Variants in RDH13 observed in about 807,000 individuals in gnomAD.
RDH13 encodes retinol dehydrogenase 13.
RDH13 carries 35 observed loss-of-function variants against 28.3 expected under a neutral mutation model. That is an observed-to-expected ratio of 1.24 (90% CI 0.95 to 1.64). RDH13 has a LOEUF of 1.64. Ranked by LOEUF, RDH13 falls within the 40% of genes most tolerant of loss-of-function variation. RDH13 has a pLI of 0.00. For missense variants in RDH13, 514 were observed against 446.3 expected, an observed-to-expected ratio of 1.15 and a Z score of -1.37; for synonymous variants, 229 against 198.5, an observed-to-expected ratio of 1.15 and a Z score of -1.29.
upstream of RDH13, among the ~76,000 whole-genome samples, chr19:55,066,632 CCT>C (rs151183680): frequency 7.3e-3 from 1,074 of 147,222 alleles, 13 homozygotes; most frequent in African/African-American, 0.023. Context: ...CTCTTTCTCT[CCT>C]CTCTCTCTCC....
chr19:55,044,882 C>A lies in RDH13; in HGVS notation c.*192G>T. ...CTGGCAGCAGAGCAGACGGAACCAGCCAGAGCCCAGGGCAGTGCTCACCTG... is the reference window on the plus strand; with the variant it reads ...CTGGCAGCAGAGCAGACGGAACCAGACAGAGCCCAGGGCAGTGCTCACCTG... On this transcript the variant is annotated 3_prime_UTR_variant, in exon 7 of 7. Transcript: ENST00000415061. 1.9e-6 allele frequency: 1 copy of A among 535,262 alleles called. No homozygotes were observed. Among genetic ancestry groups the A allele is most frequent in the East Asian group, 3.1e-5 (1 of 32,108 alleles). 33.2% of individuals were successfully genotyped at this position (535,262 alleles called of 1,614,324 possible). A position where few individuals can be genotyped will look rare whatever the true frequency, so the allele number is the denominator to read the frequency against.
chr19:55,056,197 C>A (rs1443248992), intron 3 of RDH13, among the ~76,000 whole-genome samples: 22 of 152,032 alleles, frequency 1.4e-4, no homozygotes, highest in Admixed American at 1.4e-3. Flanking sequence ...GGCGCAGTGG[C>A]CCACGCCTGT....
upstream of RDH13, chr19:55,063,341 CT>C (rs1220463475): frequency 5.6e-6 from 2 of 356,410 alleles, no homozygotes; most frequent in African/African-American, 4.2e-5. Context: ...TGACGTCACA[CT>C]TGCCGCAGCG....
rs1263057191 is a variant in RDH13 at position 55,056,816 on chromosome 19, C to T, written c.185-8G>A. On this transcript the variant is annotated splice_polypyrimidine_tract_variant and splice_region_variant and intron_variant, in intron 2 of 6. Coordinates refer to ENST00000415061, the MANE Select transcript of RDH13 (RefSeq NM_001145971.2). ...CCAGGATGATGTTGCCTCCTGAAAACCCAGGATGGAAAAAGATTTAAATTA... is the reference window on the plus strand; with the variant it reads ...CCAGGATGATGTTGCCTCCTGAAAATCCAGGATGGAAAAAGATTTAAATTA... 3 of 1,611,676 alleles carry T rather than the reference C, an allele frequency of 1.9e-6. No homozygotes were observed. Among genetic ancestry groups the T allele is most frequent in the African/African-American group, 2.7e-5 (2 of 74,856 alleles).
At chr19:55,041,820 A>T (rs2075038303), downstream of RDH13, 1 of 152,212 alleles carries the variant, frequency 6.6e-6, no homozygotes, top group South Asian at 2.1e-4. Context: ...CCTCTGAATC[A>T]CGCCAGGCAG....
downstream of RDH13, among the ~76,000 whole-genome samples, chr19:55,043,866 C>T (rs181609732): frequency 5.9e-5 from 9 of 152,052 alleles, no homozygotes; most frequent in East Asian, 1.9e-4. Flanking sequence ...CGGACTTAAA[C>T]GGTTATTTCC....
intron 3 of RDH13, among the ~76,000 whole-genome samples, chr19:55,056,154 T>C (rs1015169506): frequency 1.3e-5 from 2 of 149,916 alleles, no homozygotes; most frequent in Non-Finnish European, 3.0e-5. Context: ...ACCCCATCTG[T>C]CTCAAAACAA....
upstream of RDH13, among the ~76,000 whole-genome samples, chr19:55,066,822 C>G (rs1238031866): frequency 6.6e-6 from 1 of 151,794 alleles, no homozygotes; most frequent in Non-Finnish European, 1.5e-5. Flanking sequence ...GTTTAGCGAC[C>G]CTGTGGCTGT....
At chr19:55,064,819 G>A (rs1323993126), upstream of RDH13, among the ~76,000 whole-genome samples, 14 of 149,984 alleles carry the variant, frequency 9.3e-5, no homozygotes, top group African/African-American at 2.9e-4. Context: ...CACCATGTTG[G>A]CCAGGTTGGT....
chr19:55,045,008 C>T lies in RDH13; in HGVS notation c.*66G>A, dbSNP rs1025682574. The T allele has an allele frequency of 4.0e-5, 49 of 1,215,322 alleles. No homozygotes were observed. Among genetic ancestry groups the T allele is most frequent in the African/African-American group, 9.1e-5 (6 of 65,890 alleles). 75.3% of individuals were successfully genotyped at this position (1,215,322 alleles called of 1,614,324 possible). A position where few individuals can be genotyped will look rare whatever the true frequency, so the allele number is the denominator to read the frequency against. Reference sequence around the variant, plus strand: ...CGGCTCAGGTAGTGCCAGGAAGCTGCGGGCATGGCGGACAGCTGTCCTCGG... The same window carrying T: ...CGGCTCAGGTAGTGCCAGGAAGCTGTGGGCATGGCGGACAGCTGTCCTCGG... On this transcript the variant is annotated 3_prime_UTR_variant, in exon 7 of 7. Coordinates refer to ENST00000415061, the MANE Select transcript of RDH13 (RefSeq NM_001145971.2).
chr19:55,055,818 A>G (rs549716327), intron 3 of RDH13, among the ~76,000 whole-genome samples: 2 of 151,880 alleles, frequency 1.3e-5, no homozygotes, highest in African/African-American at 4.8e-5. Flanking sequence ...GCACCACTGC[A>G]CTCTAGCCTG....
chr19:55,043,084 T>G (rs1441269360), downstream of RDH13: 1 of 152,286 alleles, frequency 6.6e-6, no homozygotes, highest in African/African-American at 2.4e-5. Flanking sequence ...AAACACACCC[T>G]CTAGCCATTT....
At chr19:55,050,425 A>AT (rs761451206) in intron 3 of RDH13, among the ~76,000 whole-genome samples, 22 of 151,840 alleles carry the variant, frequency 1.4e-4, no homozygotes, top group African/African-American at 4.6e-4. Flanking sequence ...TACTTGGCCT[A>AT]TTTTTTATAT....
intron 5 of RDH13, chr19:55,048,027 G>T (rs1221007504): frequency 2.1e-6 from 3 of 1,431,512 alleles, no homozygotes; most frequent in Non-Finnish European, 2.8e-6. Context: ...GGTCAAAACT[G>T]CCCCTGGTTG....
chr19:55,059,999 A>G (rs2075760545), intron 1 of RDH13, among the ~76,000 whole-genome samples: 1 of 152,218 alleles, frequency 6.6e-6, no homozygotes, highest in Non-Finnish European at 1.5e-5. Flanking sequence ...TGCACTGCAG[A>G]AAGCTGCAGG....
At chr19:55,058,929 T>C (rs948957740) in intron 2 of RDH13, among the ~76,000 whole-genome samples, 6 of 152,220 alleles carry the variant, frequency 3.9e-5, no homozygotes, top group African/African-American at 1.4e-4. Context: ...TCCGCCAGCT[T>C]TGGCCTCCCA....
At position 55,048,474 on chromosome 19, in the gene RDH13, G is replaced by A. The variant is rs749735983; in HGVS notation, c.513C>T (p.Asn171=). 1 of 1,614,246 alleles carries A rather than the reference G, an allele frequency of 6.2e-7. No individual in the cohort carries two copies. The highest frequency in any genetic ancestry group is 8.5e-7 in the Non-Finnish European group (1 of 1,180,050). Residue 171 remains asparagine, a synonymous_variant, in exon 5 of 7, where the codon AAC becomes AAT. Coordinates refer to ENST00000415061, the MANE Select transcript of RDH13 (RefSeq NM_001145971.2). ...LKASAPSRII[N]LSSLAHVAGH... The stretch of plus-strand genomic sequence containing the variant: ...CAGCAACATGGGCCAGGGACGAGAG[G>A]TTGATGATCCGCGAAGGGGCTGAGG...
At position 55,048,717 on chromosome 19, in the gene RDH13, C is replaced by T; in HGVS notation, c.387G>A (p.Arg129=). ...CGTCCTCGGTGGTCCAGTGGGGGCA[C>T]CGCATCACACCCGCGTTGTTGATTA... ...DILINNAGVM[R]CPHWTTEDGF... Residue 129 remains arginine (R), a synonymous_variant, in exon 4 of 7, where the codon CGG becomes CGA. Transcript: ENST00000415061. 1.9e-6 allele frequency: 3 copies of T among 1,613,822 alleles called. No homozygotes were observed. The highest frequency in any genetic ancestry group is 2.2e-5 in the East Asian group (1 of 44,852).
At chr19:55,066,295 G>A (rs945023165), upstream of RDH13, among the ~76,000 whole-genome samples, 12 of 152,116 alleles carry the variant, frequency 7.9e-5, no homozygotes, top group Admixed American at 5.2e-4. Flanking sequence ...GGTGCTGAGA[G>A]GATTCTCCCA....
Sources: allele counts gnomAD v4.1 joint callset (sites outside exome capture counted in the v4.1 genomes callset), GRCh38; gene constraint gnomAD v4.1.1; transcripts MANE v1.5; gene names NCBI Gene and HGNC (gene_info 2026-07-23, HGNC 2026-07-21).